BANP: variants seen among roughly 807,000 people sequenced by gnomAD.
BANP encodes the protein protein BANP.
In BANP, 11 loss-of-function variants were observed where a neutral mutation model predicts 68.1. That is an observed-to-expected ratio of 0.16 (90% CI 0.10 to 0.27). BANP has a LOEUF of 0.27. Among genes scored for constraint, BANP ranks in the 10% least tolerant of loss-of-function variants. The pLI is 1.00. For synonymous variants in BANP, 329 were observed against 303.2 expected, an observed-to-expected ratio of 1.09 and a Z score of -0.88; for missense variants, 504 against 722.7, an observed-to-expected ratio of 0.70 and a Z score of 3.47.
chr16:88,049,781 G>T (rs979090607), intron 11 of BANP, among the ~76,000 whole-genome samples: 4 of 152,128 alleles, frequency 2.6e-5, no homozygotes, highest in Non-Finnish European at 4.4e-5. Context: ...GAGTGCTGTG[G>T]CCACACGCTC....
intron 9 of BANP, among the ~76,000 whole-genome samples, chr16:88,034,210 A>G (rs2078812674): frequency 6.6e-6 from 1 of 152,234 alleles, no homozygotes; most frequent in Non-Finnish European, 1.5e-5. Flanking sequence ...AGTTATGAAT[A>G]GTGAATCTTA....
intron 6 of BANP, among the ~76,000 whole-genome samples, chr16:88,011,442 A>G (rs1332994528): frequency 6.6e-6 from 1 of 152,120 alleles, no homozygotes; most frequent in Non-Finnish European, 1.5e-5. Flanking sequence ...CCGGAGGCGC[A>G]GGATCCTTTT....
At chr16:88,011,763 T>G (rs1359626150) in intron 6 of BANP, among the ~76,000 whole-genome samples, 1 of 152,200 alleles carries the variant, frequency 6.6e-6, no homozygotes, top group African/African-American at 2.4e-5. Context: ...GTTTTCAAAG[T>G]TGTCCTCCAG....
intron 1 of BANP, chr16:87,952,223 A>C (rs1032346772): frequency 6.6e-6 from 1 of 152,246 alleles, no homozygotes; most frequent in African/African-American, 2.4e-5. Flanking sequence ...TGTGTGAGCA[A>C]ATTGGAGAGA....
chr16:87,973,181 C>T (rs2061423902), intron 1 of BANP, among the ~76,000 whole-genome samples: 1 of 151,948 alleles, frequency 6.6e-6, no homozygotes. Context: ...TCCGTCTTTC[C>T]CAGCTGGACT....
chr16:87,995,291 T>C (rs146741580), intron 4 of BANP, among the ~76,000 whole-genome samples: 469 of 152,336 alleles, frequency 3.1e-3, no homozygotes, highest in African/African-American at 0.011. Flanking sequence ...CTGCTTTTCC[T>C]CCTGCTGAAG....
intron 1 of BANP, among the ~76,000 whole-genome samples, chr16:87,963,091 A>G (rs919060003): frequency 6.6e-6 from 1 of 152,010 alleles, no homozygotes; most frequent in African/African-American, 2.4e-5. Context: ...TCCTGTCCTA[A>G]TTTTTATGGC....
chr16:88,034,842 A>C (rs2078969058), intron 9 of BANP, among the ~76,000 whole-genome samples: 1 of 152,208 alleles, frequency 6.6e-6, no homozygotes, highest in Non-Finnish European at 1.5e-5. Context: ...CCACTTTCCC[A>C]GGCTTTAATT....
upstream of BANP, chr16:87,950,456 GAC>G (rs1419995784): frequency 1.3e-5 from 2 of 148,710 alleles, no homozygotes; most frequent in Admixed American, 1.3e-4. Flanking sequence ...TTTTTTTTGA[GAC>G]AGAGTCTCGC....
intron 1 of BANP, chr16:87,969,878 C>T (rs4843756): frequency 0.35 from 52,378 of 149,382 alleles, 10,450 homozygotes; most frequent in Non-Finnish European, 0.47. Context: ...TTTTCATTTC[C>T]TTATGCTCAT....
At chr16:88,074,099 G>C (rs545342280) in intron 13 of BANP, among the ~76,000 whole-genome samples, 42 of 152,326 alleles carry the variant, frequency 2.8e-4, no homozygotes, top group Middle Eastern at 3.4e-3. Flanking sequence ...CTTGTCCTCA[G>C]GCTAGCTCTG....
chr16:87,983,834 A>G (rs1009732395), intron 3 of BANP, among the ~76,000 whole-genome samples: 3 of 152,256 alleles, frequency 2.0e-5, no homozygotes, highest in Non-Finnish European at 4.4e-5. Flanking sequence ...AAGTGAAACC[A>G]TGACTAAATC....
At chr16:88,025,679 C>T (rs182890418) in intron 7 of BANP, among the ~76,000 whole-genome samples, 7 of 152,216 alleles carry the variant, frequency 4.6e-5, no homozygotes, top group Admixed American at 3.3e-4. Context: ...TTCCAAAACC[C>T]GAGGGACTTT....
intron 11 of BANP, among the ~76,000 whole-genome samples, chr16:88,063,915 A>G (rs1293389367): frequency 6.6e-6 from 1 of 152,236 alleles, no homozygotes; most frequent in African/African-American, 2.4e-5. Flanking sequence ...CTCAACTGGG[A>G]ATGCATTTGA....
At chr16:88,009,880 C>T (rs1598399728) in intron 6 of BANP, among the ~76,000 whole-genome samples, 1 of 151,508 alleles carries the variant, frequency 6.6e-6, no homozygotes, top group African/African-American at 2.4e-5. Context: ...GACTGTGTCT[C>T]ATTAGAATAA....
chr16:87,974,949 C>T (rs141915588), intron 1 of BANP, 99 bp from the exon 2 acceptor site: 22 of 605,532 alleles, frequency 3.6e-5, no homozygotes, highest in South Asian at 1.0e-4. Flanking sequence ...CACAGACGTT[C>T]GCGGCCTCTT....
chr16:87,977,618 AAGT>A (rs1293192387), intron 2 of BANP, among the ~76,000 whole-genome samples: 6 of 152,200 alleles, frequency 3.9e-5, no homozygotes, highest in African/African-American at 1.4e-4. Flanking sequence ...ATAGTCAAGA[AAGT>A]AGAAGAAATA....
Position 88,010,782 on chromosome 16 carries a change from C to G in BANP, c.655+4517C>G, listed in dbSNP as rs549350638. 1.8e-3 allele frequency among the ~76,000 whole-genome samples: 279 copies of G among 152,238 alleles called. 1 individual carries two copies. The highest frequency in any genetic ancestry group is 6.5e-3 in the African/African-American group (269 of 41,544). On this transcript the variant is annotated intron_variant, in intron 6 of 13. Transcript: ENST00000682872. ...AACGTGTAGCCACGCTATGCTGTGC[C>G]GATTCACACACCTCGCAGTCCATGG... is the stretch of plus-strand genomic sequence containing the variant.
intron 4 of BANP, among the ~76,000 whole-genome samples, chr16:87,998,562 ACGCACG>A (rs1567704040): frequency 2.7e-5 from 4 of 149,560 alleles, no homozygotes; most frequent in Admixed American, 6.6e-5. Flanking sequence ...GTCTCCATGC[ACGCACG>A]TGCGCGGCTG....
Sources: gnomAD v4.1 joint callset for allele counts (sites outside exome capture counted in the v4.1 genomes callset) on GRCh38, gnomAD v4.1.1 for gene constraint, MANE v1.5 for transcripts, NCBI Gene and HGNC (gene_info 2026-07-23, HGNC 2026-07-21) for gene names.